Variants in UPRT observed in about 807,000 individuals in gnomAD.
The protein encoded by UPRT is uracil phosphoribosyltransferase homolog.
Under a neutral mutation model 22.6 loss-of-function variants are expected in UPRT, and 5 were observed. That is an observed-to-expected ratio of 0.22 (90% CI 0.12 to 0.47). The LOEUF (loss-of-function observed/expected upper bound fraction) is 0.47, where lower values mean the gene tolerates loss of function less well. UPRT is among the 20% of genes least tolerant of loss of function. The probability of loss-of-function intolerance (pLI) is 0.99; values close to 1 mark genes in which losing one functional copy is unlikely to be tolerated. For missense variants in UPRT, 181 were observed against 239.9 expected, an observed-to-expected ratio of 0.75 and a Z score of 1.62; for synonymous variants, 77 against 87.7, an observed-to-expected ratio of 0.88 and a Z score of 0.68.
intron 4 of UPRT, among the ~76,000 whole-genome samples, chrX:75,180,681 G>GTTTTTTTTTTTTGTTTTTTTT (rs2082266200): frequency 8.7e-4 from 38 of 43,893 alleles, no homozygotes; most frequent in Admixed American, 1.5e-3. Flanking sequence ...CCTTTTCTCT[G>GTTTTTTTTTTTTGTTTTTTTT]TTTTTTTTTT....
chrX:75,221,969 G>T (rs1183782682), intron 4 of UPRT, among the ~76,000 whole-genome samples: 1 of 111,291 alleles, frequency 9.0e-6, no homozygotes, highest in East Asian at 2.9e-4. Context: ...TCTTGAGAAG[G>T]CTTTTCAGGT....
intron 1 of UPRT, among the ~76,000 whole-genome samples, chrX:75,290,571 TAAAG>T (rs2082702780): frequency 9.0e-6 from 1 of 111,622 alleles, no homozygotes; most frequent in African/African-American, 3.3e-5. Flanking sequence ...GTGGATTGGA[TAAAG>T]AAAGTGTGGT....
intron 4 of UPRT, among the ~76,000 whole-genome samples, chrX:75,187,294 C>T (rs1469322625): frequency 1.8e-5 from 2 of 110,983 alleles, no homozygotes; most frequent in East Asian, 2.8e-4. Context: ...CTTAGTTTGG[C>T]TGGATATGAA....
intron 4 of UPRT, among the ~76,000 whole-genome samples, chrX:75,231,735 G>A (rs1372980927): frequency 8.9e-6 from 1 of 112,147 alleles, no homozygotes; most frequent in East Asian, 2.8e-4. Context: ...AAACCTGTAA[G>A]ATTAACTGCA....
chrX:75,263,620 T>C (rs2082576568), intron 4 of UPRT, among the ~76,000 whole-genome samples: 1 of 110,596 alleles, frequency 9.0e-6, no homozygotes, highest in South Asian at 3.9e-4. Context: ...TCTTCTGTAT[T>C]AGTCTTGCTA....
chrX:75,256,478 A>C (rs2082550049), intron 4 of UPRT, among the ~76,000 whole-genome samples: 1 of 111,066 alleles, frequency 9.0e-6, no homozygotes, highest in African/African-American at 3.3e-5. Context: ...AACCAACCAA[A>C]CCCAAACCCA....
intron 4 of UPRT, among the ~76,000 whole-genome samples, chrX:75,191,057 T>A (rs910567865): frequency 4.5e-5 from 5 of 111,855 alleles, no homozygotes; most frequent in Non-Finnish European, 9.4e-5. Flanking sequence ...AGTCCTCTGA[T>A]TTTTAGAATT....
chrX:75,268,842 C>G (rs1399085689), intron 4 of UPRT, among the ~76,000 whole-genome samples: 2 of 111,896 alleles, frequency 1.8e-5, no homozygotes, highest in Non-Finnish European at 3.8e-5. Context: ...CCTTTGAAAA[C>G]CAGCACAAGA....
chrX:75,249,658 G>A (rs1407604835), intron 4 of UPRT, among the ~76,000 whole-genome samples: 1 of 110,977 alleles, frequency 9.0e-6, no homozygotes, highest in African/African-American at 3.3e-5. Context: ...CTGTGAGACA[G>A]AAAGTTAACA....
Position 75,263,220 on chromosome X carries a change from G to T in UPRT, c.-446-27804G>T, listed in dbSNP as rs142598740. 4.3e-3 allele frequency among the ~76,000 whole-genome samples: 484 copies of T among 111,726 alleles called. 2 individuals carry two copies. Among genetic ancestry groups the T allele is most frequent in the South Asian group, 0.013 (36 of 2,671 alleles). On this transcript the variant is annotated intron_variant, in intron 4 of 13. Transcript: ENST00000652605. ...CTCTGCCAGGCTTTGGTATCACGAT[G>T]ATGCTGGCCTCATAAAATGAGTTAG...
intron 4 of UPRT, among the ~76,000 whole-genome samples, chrX:75,242,730 G>A (rs1325980300): frequency 9.0e-6 from 1 of 110,981 alleles, no homozygotes; most frequent in Non-Finnish European, 1.9e-5. Flanking sequence ...ATAGAAAATA[G>A]GGTTTAATAT....
intron 1 of UPRT, among the ~76,000 whole-genome samples, chrX:75,289,361 T>A (rs1322426789): frequency 5.4e-5 from 6 of 110,898 alleles, no homozygotes; most frequent in African/African-American, 2.0e-4. Flanking sequence ...TCAATTTTGG[T>A]AAAATGGATA....
chrX:75,180,681 G>GTTTTTTTTTTTTGTTTTTTTTT (rs2082266200), intron 4 of UPRT, among the ~76,000 whole-genome samples: 25 of 43,899 alleles, frequency 5.7e-4, no homozygotes, highest in East Asian at 1.7e-3. Flanking sequence ...CCTTTTCTCT[G>GTTTTTTTTTTTTGTTTTTTTTT]TTTTTTTTTT....
At chrX:75,158,843 G>C (rs1361702) in intron 1 of UPRT, among the ~76,000 whole-genome samples, 1 of 109,993 alleles carries the variant, frequency 9.1e-6, no homozygotes, top group East Asian at 2.9e-4. Context: ...AACCTTATCT[G>C]AAGAGGCCAC....
intron 4 of UPRT, among the ~76,000 whole-genome samples, chrX:75,185,192 C>T (rs759423950): frequency 2.0e-4 from 22 of 111,715 alleles, no homozygotes; most frequent in African/African-American, 6.8e-4. Flanking sequence ...TGAAATACAT[C>T]CCATCAATAC....
At chrX:75,298,279 A>G (rs976681209) in intron 4 of UPRT, among the ~76,000 whole-genome samples, 1 of 110,530 alleles carries the variant, frequency 9.0e-6, no homozygotes, top group African/African-American at 3.3e-5. Flanking sequence ...GGCATGAGCC[A>G]CCATACCCAA....
At chrX:75,172,334 G>A (rs2082230674) in intron 4 of UPRT, among the ~76,000 whole-genome samples, 1 of 111,141 alleles carries the variant, frequency 9.0e-6, no homozygotes, top group Admixed American at 9.5e-5. Flanking sequence ...GGCTGTCTCT[G>A]TTGTGTCATC....
rs181694662 is a variant in UPRT, at chrX:75,242,112, T to A, written c.-446-48912T>A. ...CACAACAACAACATAAAAGAAAATA[T>A]ACCCAGTAGACATTTTGAGATCTAA... On this transcript the variant is annotated intron_variant, in intron 4 of 13. Transcript: ENST00000652605. Among the ~76,000 whole-genome samples, 384 of 111,196 alleles carry A rather than the reference T, an allele frequency of 3.5e-3. 2 individuals are homozygous for A. Among genetic ancestry groups the A allele is most frequent in the African/African-American group, 0.012 (367 of 30,703 alleles).
At chrX:75,177,999 C>T (rs773337820) in intron 4 of UPRT, among the ~76,000 whole-genome samples, 1 of 112,314 alleles carries the variant, frequency 8.9e-6, no homozygotes, top group Admixed American at 9.3e-5. Flanking sequence ...GATAGATGGG[C>T]GAGTCTCGCT....
Sources: allele counts gnomAD v4.1 joint callset (sites outside exome capture counted in the v4.1 genomes callset), GRCh38; gene constraint gnomAD v4.1.1; transcripts MANE v1.5; gene names NCBI Gene and HGNC (gene_info 2026-07-23, HGNC 2026-07-21).